The following CYLD variants were observed in gnomAD, a reference collection of about 807,000 sequenced individuals.
CYLD encodes the protein ubiquitin carboxyl-terminal hydrolase CYLD.
In CYLD, 26 loss-of-function variants were observed where a neutral mutation model predicts 104.5. The ratio of observed to expected loss-of-function variants is 0.25; its 90% CI spans 0.18 to 0.35. CYLD has a LOEUF of 0.35. CYLD is among the 10% of genes least tolerant of loss of function. The probability of loss-of-function intolerance (pLI) is 1.00; values close to 1 mark genes in which losing one functional copy is unlikely to be tolerated. For missense variants in CYLD, 703 were observed against 1,136.1 expected, an observed-to-expected ratio of 0.62 and a Z score of 5.48; for synonymous variants, 385 against 399.9, an observed-to-expected ratio of 0.96 and a Z score of 0.45.
intron 4 of CYLD, among the ~76,000 whole-genome samples, chr16:50,753,217 C>T (rs1223711152): frequency 6.6e-6 from 1 of 152,188 alleles, no homozygotes; most frequent in Non-Finnish European, 1.5e-5. Context: ...AACATGTATG[C>T]CCCTCAGGAT....
chr16:50,780,670 C>T (rs1970133173), intron 9 of CYLD, among the ~76,000 whole-genome samples: 2 of 152,044 alleles, frequency 1.3e-5, no homozygotes, highest in Non-Finnish European at 2.9e-5. Context: ...AGACATGTAC[C>T]ATCATGCTTG....
At chr16:50,773,344 G>T (rs1050029868) in intron 5 of CYLD, among the ~76,000 whole-genome samples, 1 of 152,124 alleles carries the variant, frequency 6.6e-6, no homozygotes, top group African/African-American at 2.4e-5. Context: ...TCATTTAAAT[G>T]CAATCTTGCT....
intron 5 of CYLD, among the ~76,000 whole-genome samples, chr16:50,770,703 G>A (rs996273117): frequency 4.0e-5 from 6 of 151,888 alleles, no homozygotes; most frequent in African/African-American, 1.2e-4. Context: ...CACCTGCCTC[G>A]GCTTCCCAAA....
rs1268859981 is a variant in CYLD at position 50,797,106 on chromosome 16, GT to G, written c.*600del. ...AAAATACTTAAATTCCCTTAATGGT[GT>G]TGTTTTCTATTTGTTCTGGTTTTGA... On this transcript the variant is annotated 3_prime_UTR_variant, in exon 19 of 19. Coordinates refer to ENST00000427738, the MANE Select transcript of CYLD (RefSeq NM_001378743.1). 3 of 234,112 alleles carry G rather than the reference GT, an allele frequency of 1.3e-5. No homozygotes were observed. Among genetic ancestry groups the G allele is most frequent in the Admixed American group, 5.6e-5 (1 of 18,016 alleles). 14.5% of individuals were successfully genotyped at this position (234,112 alleles called of 1,614,324 possible). A position where few individuals can be genotyped will look rare whatever the true frequency, so the allele number is the denominator to read the frequency against.
At chr16:50,795,663 C>A (rs896893950) in intron 18 of CYLD, 3 of 701,216 alleles carry the variant, frequency 4.3e-6, no homozygotes, top group Non-Finnish European at 7.8e-6. Context: ...GAGTTCTCCA[C>A]CTTTTCTCAG....
intron 12 of CYLD, 55 bp from the exon 13 acceptor site, chr16:50,786,800 G>T: frequency 3.5e-6 from 4 of 1,158,952 alleles, no homozygotes; most frequent in South Asian, 1.3e-5. Context: ...TGATTAAGAT[G>T]TGTTATATAA....
At chr16:50,779,365 G>A (rs770899249) in intron 8 of CYLD, among the ~76,000 whole-genome samples, 5 of 151,772 alleles carry the variant, frequency 3.3e-5, no homozygotes, top group African/African-American at 7.3e-5. Context: ...GTATCTTTTT[G>A]TACTGCCTTC....
chr16:50,798,512 G>A lies in CYLD; in HGVS notation c.*2004G>A, dbSNP rs907722563. On this transcript the variant is annotated 3_prime_UTR_variant, in exon 19 of 19. Transcript: ENST00000427738. ...AAATTCTGTACCATTTTGTATCAGG[G>A]AATTGAGCATCTTCAGATGTTGGTA... is the stretch of plus-strand genomic sequence containing the variant. The A allele has an allele frequency of 7.3e-5, 17 of 231,996 alleles. No homozygotes were observed. The highest frequency in any genetic ancestry group is 1.2e-4 in the Non-Finnish European group (14 of 117,478). 14.4% of individuals were successfully genotyped at this position (231,996 alleles called of 1,614,324 possible).
In CYLD at chr16:50,750,109, T is replaced by A; in HGVS notation, c.411T>A (p.Ser137=). The A allele has an allele frequency of 6.2e-7, 1 of 1,614,110 alleles. No homozygotes were observed. The change falls in exon 3 of 19, where the codon TCT becomes TCA. Residue 137 remains serine, a synonymous_variant. Transcript: ENST00000427738. ...VGCPVKVQLR[S]GEEKFPGVVR... is the part of the protein sequence containing the mutation. The stretch of plus-strand genomic sequence containing the variant: ...GTCCTGTGAAAGTACAGCTGAGATC[T>A]GGGGAAGAAAAATTTCCTGGAGTTG...
intron 5 of CYLD, 52 bp downstream of exon 5, chr16:50,754,476 T>G: frequency 2.6e-6 from 3 of 1,139,668 alleles, no homozygotes; most frequent in Non-Finnish European, 3.9e-6. Flanking sequence ...TTTTTTAATT[T>G]TTTATTTTTT....
rs533669286 is a variant in CYLD at position 50,782,525 on chromosome 16, G to GGTGT, written c.1826+73_1826+76dup. 2,142 of 1,461,916 alleles carry GGTGT rather than the reference G, an allele frequency of 1.5e-3. 7 individuals are homozygous for GGTGT. Among genetic ancestry groups the GGTGT allele is most frequent in the South Asian group, 2.4e-3 (202 of 84,936 alleles). The allele number at this position is 1,461,916 out of a possible 1,614,324, so 90.6% of individuals were successfully genotyped here. On this transcript the variant is annotated intron_variant, in intron 11 of 18. Coordinates refer to ENST00000427738, the MANE Select transcript of CYLD (RefSeq NM_001378743.1). Reference sequence around the variant, plus strand: ...GTGCCATGAGGCAGGGACACATACCGGTGTGTGTGTGTGTGTGCGTGTGAG... The same window carrying GGTGT: ...GTGCCATGAGGCAGGGACACATACCGGTGTGTGTGTGTGTGTGTGTGCGTGTGAG...
At chr16:50,783,691 AT>A (rs778628287) in intron 11 of CYLD, among the ~76,000 whole-genome samples, 2 of 151,948 alleles carry the variant, frequency 1.3e-5, no homozygotes, top group South Asian at 4.1e-4. Flanking sequence ...GGTGCACTCC[AT>A]CATGCCTGGC....
intron 5 of CYLD, among the ~76,000 whole-genome samples, chr16:50,764,426 G>T (rs1239945331): frequency 2.0e-5 from 3 of 151,970 alleles, no homozygotes; most frequent in African/African-American, 7.3e-5. Flanking sequence ...AAAGCTTTGG[G>T]CATAATGTTG....
chr16:50,794,130 C>G lies in CYLD; in HGVS notation c.2470-82C>G. Reference sequence around the variant, plus strand: ...TTTAACAGAGACAGGGTTTCACCATCTTGATCAGGCTGGTCTTGAACTCCT... The same window carrying G: ...TTTAACAGAGACAGGGTTTCACCATGTTGATCAGGCTGGTCTTGAACTCCT... On this transcript the variant is annotated intron_variant, in intron 17 of 18. Coordinates refer to ENST00000427738, the MANE Select transcript of CYLD (RefSeq NM_001378743.1). This position sits in a 1 kb window ranked among gnomAD's most constrained non-coding sequence, Gnocchi z 4.1. 3.1e-6 allele frequency: 4 copies of G among 1,291,518 alleles called. No homozygotes were observed. The highest frequency in any genetic ancestry group is 4.5e-6 in the Non-Finnish European group (4 of 890,826). 80.0% of individuals were successfully genotyped at this position (1,291,518 alleles called of 1,614,324 possible).
At chr16:50,770,798 G>T (rs1969064154) in intron 5 of CYLD, among the ~76,000 whole-genome samples, 1 of 152,066 alleles carries the variant, frequency 6.6e-6, no homozygotes, top group South Asian at 2.1e-4. Flanking sequence ...TTTTGCCCAG[G>T]TTCTCATTGG....
At chr16:50,748,535 G>A (rs1596960486) in intron 2 of CYLD, among the ~76,000 whole-genome samples, 1 of 152,082 alleles carries the variant, frequency 6.6e-6, no homozygotes, top group Middle Eastern at 3.4e-3. Context: ...GTGACAGAGC[G>A]AGACCCTGTC....
chr16:50,779,479 A>T (rs1308003778), intron 8 of CYLD, among the ~76,000 whole-genome samples, 186 bp from the exon 9 acceptor site: 1 of 152,150 alleles, frequency 6.6e-6, no homozygotes, highest in Non-Finnish European at 1.5e-5. Context: ...AGGTGCATAA[A>T]TATGGAGGTG....
intron 5 of CYLD, among the ~76,000 whole-genome samples, chr16:50,755,016 T>TATATATACATAC (rs1966894471): frequency 1.1e-4 from 1 of 9,246 alleles, no homozygotes. Flanking sequence ...CATATATATG[T>TATATATACATAC]ATATATACAT....
intron 5 of CYLD, among the ~76,000 whole-genome samples, chr16:50,769,315 A>G (rs1402540911): frequency 1.3e-5 from 2 of 152,206 alleles, no homozygotes; most frequent in East Asian, 1.9e-4. Context: ...CAGAAGCAGT[A>G]TATGAGAGAT....
Sources: gnomAD v4.1 joint callset for allele counts (sites outside exome capture counted in the v4.1 genomes callset) on GRCh38, gnomAD v4.1.1 for gene constraint, Gnocchi (gnomAD v3.1) non-coding constraint, MANE v1.5 for transcripts, NCBI Gene and HGNC (gene_info 2026-07-23, HGNC 2026-07-21) for gene names.